Variants in AKAP9 observed in about 807,000 individuals in gnomAD.
AKAP9 encodes the protein A-kinase anchor protein 9.
In AKAP9, 311 loss-of-function variants were observed where a neutral mutation model predicts 488.5. That is an observed-to-expected ratio of 0.64 (90% confidence interval 0.58 to 0.70). The LOEUF (loss-of-function observed/expected upper bound fraction) is 0.70, where lower values mean the gene tolerates loss of function less well. Ranked by LOEUF, AKAP9 falls within the 30% of genes least tolerant of loss-of-function variation. The pLI is 0.00. For synonymous variants in AKAP9, 1,462 were observed against 1,483.5 expected (o/e 0.99, Z 0.33); for missense variants, 4,215 against 4,374.5 (o/e 0.96, Z 1.03).
intron 23 of AKAP9, among the ~76,000 whole-genome samples, chr7:92,061,683 T>G (rs1393276055): frequency 6.8e-6 from 1 of 147,544 alleles, no homozygotes; most frequent in East Asian, 2.0e-4. Flanking sequence ...CCAAAAAGGA[T>G]AGTGGTGACT....
chr7:91,973,704 T>C lies in AKAP9; in HGVS notation c.49-7T>C. On this transcript the variant is annotated splice_polypyrimidine_tract_variant and splice_region_variant and intron_variant, in intron 1 of 49. Coordinates refer to ENST00000356239, the MANE Select transcript of AKAP9 (RefSeq NM_005751.5). ...TTGACAATAACGGTTATTTTCTTTT[T>C]TCTTAGCTTGCCCAGTTTCGACAAA... The C allele has an allele frequency of 1.2e-6, 2 of 1,613,604 alleles. No homozygotes were observed. The highest frequency in any genetic ancestry group is 4.5e-5 in the East Asian group (2 of 44,862).
At position 92,072,538 on chromosome 7, in the gene AKAP9, A is replaced by G. The variant is rs1000206209; in HGVS notation, c.6612+1529A>G. Among the ~76,000 whole-genome samples the G allele has an allele frequency of 5.9e-5, 9 of 152,322 alleles. No individual in the cohort carries two copies. The East Asian group carries it at 1.7e-3, about 29-fold the overall frequency. ...TGGAGTATAAATATAAGATGTCCCT[A>G]TGTATCATGGTATTTGAGATACTTT... On this transcript the variant is annotated intron_variant, in intron 28 of 49. Transcript: ENST00000356239.
At position 92,001,155 on chromosome 7, in the gene AKAP9, A is replaced by T. The variant is rs762021945; in HGVS notation, c.1238A>T (p.Gln413Leu). The T allele has an allele frequency of 1.2e-6, 2 of 1,614,010 alleles. No homozygotes were observed. The highest frequency in any genetic ancestry group is 2.2e-5 in the East Asian group (1 of 44,892). Residue 413 changes from glutamine (Q) to leucine (L), a missense_variant, in exon 8 of 50, where the codon CAG (glutamine) becomes CTG (leucine). Coordinates refer to ENST00000356239, the MANE Select transcript of AKAP9 (RefSeq NM_005751.5). ...CAGAAGAGAAATCATAAAGACAGCCAGTTCGAAACTGATATAGTACAACGA... is the reference window on the plus strand; with the variant it reads ...CAGAAGAGAAATCATAAAGACAGCCTGTTCGAAACTGATATAGTACAACGA... ...ELQKRNHKDSQFETDIVQRME... is the reference protein window; with the variant it reads ...ELQKRNHKDSLFETDIVQRME...
At chr7:91,950,459 T>G (rs1407439439) in intron 1 of AKAP9, among the ~76,000 whole-genome samples, 2 of 152,126 alleles carry the variant, frequency 1.3e-5, no homozygotes, top group Admixed American at 6.5e-5. Flanking sequence ...CTCAATCTCC[T>G]GACCTCATGA....
In AKAP9 at chr7:92,070,000, A is replaced by T. The variant is rs146462493; in HGVS notation, c.6331-30A>T. The T allele has an allele frequency of 6.8e-4, 1,092 of 1,598,626 alleles. 6 individuals are homozygous for T. The African/African-American group carries it at 0.012, about 18-fold the overall frequency. ...TAACTAGCTTGCTGAAATTTTTTTT[A>T]AATTAAATTTTTTGCCTCTTATATT... On this transcript the variant is annotated intron_variant, in intron 26 of 49. Transcript: ENST00000356239.
intron 21 of AKAP9, among the ~76,000 whole-genome samples, chr7:92,050,452 G>A (rs1458135572): frequency 1.3e-5 from 2 of 152,040 alleles, no homozygotes; most frequent in Admixed American, 1.3e-4. Context: ...GGTACTGCAG[G>A]AATAGAAATC....
intron 8 of AKAP9, among the ~76,000 whole-genome samples, chr7:92,010,336 C>T (rs140609922): frequency 2.0e-5 from 3 of 152,220 alleles, no homozygotes; most frequent in Non-Finnish European, 4.4e-5. Flanking sequence ...TTTGATCATT[C>T]GCAGGACTGC....
At position 92,002,787 on chromosome 7, in the gene AKAP9, A is replaced by T. The variant is rs774287891; in HGVS notation, c.2870A>T (p.Gln957Leu). ...AAGCGAGAGAAATTAGAGCTGTCACAGAGACTGTCTGATCTTTCTGAACAA... is the reference window on the plus strand; with the variant it reads ...AAGCGAGAGAAATTAGAGCTGTCACTGAGACTGTCTGATCTTTCTGAACAA... ...VTKREKLELS[Q>L]RLSDLSEQLK... is the part of the protein sequence containing the mutation. Residue 957 changes from glutamine to leucine, a missense_variant, in exon 8 of 50, where the codon CAG becomes CTG. Gln to Leu is a moderately radical substitution (Grantham distance 113). Around this residue, in one of 5 missense-constraint regions of AKAP9, gnomAD observed 2,361 missense variants for 2,430.0 expected, o/e 0.97. Transcript: ENST00000356239. The T allele has an allele frequency of 1.2e-6, 2 of 1,613,726 alleles. No individual in the cohort carries two copies. The highest frequency in any genetic ancestry group is 1.7e-6 in the Non-Finnish European group (2 of 1,179,720).
Position 91,940,970 on chromosome 7 carries a change from G to T in AKAP9, c.-130G>T. ...CGGAGACTGCTTCCACTTCGGGCGG[G>T]GGAGCGCCGGACCGAATCGGCTCTC... On this transcript the variant is annotated 5_prime_UTR_variant, in exon 1 of 50. Coordinates refer to ENST00000356239, the MANE Select transcript of AKAP9 (RefSeq NM_005751.5). The T allele has an allele frequency of 1.0e-6, 1 of 966,874 alleles. No homozygotes were observed. The highest frequency in any genetic ancestry group is 1.7e-6 in the Non-Finnish European group (1 of 598,662). The allele number at this position is 966,874 out of a possible 1,614,324, so 59.9% of individuals were successfully genotyped here. A position where few individuals can be genotyped will look rare whatever the true frequency, so the allele number is the denominator to read the frequency against.
At chr7:92,057,968 G>C (rs891131243) in intron 22 of AKAP9, 1 of 235,006 alleles carries the variant, frequency 4.3e-6, no homozygotes, top group Non-Finnish European at 8.4e-6. Context: ...AGTTTTTTTA[G>C]ATTTGTAGTT....
Position 92,061,364 on chromosome 7 carries a change from C to T in AKAP9, c.5706C>T (p.Arg1902=). 6.2e-7 allele frequency: 1 copy of T among 1,612,806 alleles called. No homozygotes were observed. Among genetic ancestry groups the T allele is most frequent in the Non-Finnish European group, 8.5e-7 (1 of 1,179,418 alleles). ...SLKCQEELRE[R]LHEESRAREQ... ...AGTGCCAAGAGGAACTTCGAGAGCG[C>T]CTTCATGAGGAGTCCAGGGCCAGAG... Residue 1902 remains arginine, a synonymous_variant, in exon 23 of 50, where the codon CGC becomes CGT. Coordinates refer to ENST00000356239, the MANE Select transcript of AKAP9 (RefSeq NM_005751.5).
intron 32 of AKAP9, 140 bp downstream of exon 32, chr7:92,082,802 T>C: frequency 1.9e-6 from 2 of 1,060,558 alleles, no homozygotes; most frequent in South Asian, 3.1e-5. Context: ...GATGAAAACT[T>C]TCATTGTTAT....
intron 28 of AKAP9, among the ~76,000 whole-genome samples, chr7:92,074,236 A>C (rs981694727): frequency 6.6e-6 from 1 of 152,232 alleles, no homozygotes; most frequent in Admixed American, 6.5e-5. Context: ...AAAAGAAGAC[A>C]TTTATATGGC....
chr7:91,992,917 T>C lies in AKAP9; in HGVS notation c.438T>C (p.Ser146=), dbSNP rs753770347. 1.9e-5 allele frequency: 30 copies of C among 1,613,908 alleles called. No homozygotes were observed. The Admixed American group carries it at 5.0e-4, about 27-fold the overall frequency. ...EEEFGVDDSY[S]EQGAQDSPTH... ...AATTTGGTGTTGATGATTCTTATTC[T>C]GAACAAGGAGCACAAGACAGTCCGA... Residue 146 remains serine (S), a synonymous_variant, in exon 5 of 50, where the codon TCT becomes TCC. Coordinates refer to ENST00000356239, the MANE Select transcript of AKAP9 (RefSeq NM_005751.5).
rs949469806 is a variant in AKAP9 at position 92,033,249 on chromosome 7, TA to T, written c.4338+1655del. ...CATGTACCCTAAAACTTAAAGTATT[TA>T]AAAAAAAAAGACTCTTCTAAATGCA... On this transcript the variant is annotated intron_variant, in intron 16 of 49. Coordinates refer to ENST00000356239, the MANE Select transcript of AKAP9 (RefSeq NM_005751.5). 6.3e-4 allele frequency among the ~76,000 whole-genome samples: 93 copies of T among 148,364 alleles called. 1 individual carries two copies. Among genetic ancestry groups the T allele is most frequent in the African/African-American group, 1.7e-3 (70 of 40,560 alleles).
chr7:92,061,237 G>A (rs750450967), intron 22 of AKAP9, 23 bp from the exon 23 acceptor site: 17 of 1,609,188 alleles, frequency 1.1e-5, no homozygotes, highest in African/African-American at 8.0e-5. Flanking sequence ...TTTCTTTTAT[G>A]TATTGTTTCC....
chr7:91,992,962 A>G lies in AKAP9; in HGVS notation c.483A>G (p.Glu161=), dbSNP rs774737080. The change falls in exon 5 of 50, where the codon GAA becomes GAG. Residue 161 remains glutamate (E), a synonymous_variant. Coordinates refer to ENST00000356239, the MANE Select transcript of AKAP9 (RefSeq NM_005751.5). ...GTCCGACTCATCTAGAGATGATGGAAAGTGAGTTGGCTGGGAAGCAGCATG... is the reference window on the plus strand; with the variant it reads ...GTCCGACTCATCTAGAGATGATGGAGAGTGAGTTGGCTGGGAAGCAGCATG... ...QDSPTHLEMM[E]SELAGKQHEI... is the part of the protein sequence containing the mutation. 2.2e-5 allele frequency: 36 copies of G among 1,614,014 alleles called. No homozygotes were observed. Among genetic ancestry groups the G allele is most frequent in the Non-Finnish European group, 3.1e-5 (36 of 1,179,998 alleles).
intron 39 of AKAP9, among the ~76,000 whole-genome samples, chr7:92,094,392 G>C (rs1816163901): frequency 6.6e-6 from 1 of 151,762 alleles, no homozygotes; most frequent in African/African-American, 2.4e-5. Context: ...AATTAGCCGG[G>C]CATGCTGGCA....
At chr7:91,953,254 A>G (rs569512276) in intron 1 of AKAP9, among the ~76,000 whole-genome samples, 1 of 152,328 alleles carries the variant, frequency 6.6e-6, no homozygotes, top group East Asian at 1.9e-4. Flanking sequence ...ACTAAGAAAA[A>G]TGTGGTCAAG....
Sources: allele counts gnomAD v4.1 joint callset (sites outside exome capture counted in the v4.1 genomes callset), GRCh38; gene constraint gnomAD v4.1.1; regional missense constraint gnomAD v4.1.1; transcripts MANE v1.5; gene names NCBI Gene and HGNC (gene_info 2026-07-23, HGNC 2026-07-21).